STPG2: variants seen among roughly 807,000 people sequenced by gnomAD.
STPG2 encodes sperm tail PG-rich repeat containing 2, also known as sperm-tail PG-rich repeat-containing protein 2.
STPG2 carries 56 observed loss-of-function variants against 54.2 expected under a neutral mutation model. The observed-to-expected ratio is 1.03, with a 90% CI of 0.83 to 1.29. The LOEUF is 1.29. Ranked by LOEUF, STPG2 falls within the 50% of genes most tolerant of loss-of-function variation. The pLI is 0.00. For synonymous variants in STPG2, 200 were observed against 181.8 expected (o/e 1.10, Z -0.81); for missense variants, 596 against 544.9 (o/e 1.09, Z -0.93).
intron 7 of STPG2, among the ~76,000 whole-genome samples, chr4:97,949,916 A>G (rs1276414821): frequency 6.6e-6 from 1 of 152,072 alleles, no homozygotes; most frequent in Non-Finnish European, 1.5e-5. Context: ...TGAATCTCAC[A>G]TGAGTTCTTT....
chr4:97,949,407 C>A (rs906652697), intron 7 of STPG2, among the ~76,000 whole-genome samples: 2 of 152,064 alleles, frequency 1.3e-5, no homozygotes, highest in African/African-American at 4.8e-5. Context: ...GACCATTACG[C>A]CATTTACGTT....
intron 4 of STPG2, among the ~76,000 whole-genome samples, chr4:97,543,294 A>G (rs1272145636): frequency 6.6e-6 from 1 of 151,812 alleles, no homozygotes; most frequent in Non-Finnish European, 1.5e-5. Flanking sequence ...AATTTTTCTG[A>G]CTTATTATTA....
chr4:97,941,244 T>A (rs1272096310), intron 8 of STPG2, among the ~76,000 whole-genome samples: 2 of 152,078 alleles, frequency 1.3e-5, no homozygotes, highest in African/African-American at 2.4e-5. Flanking sequence ...TTCAAGGATA[T>A]TTGCTTTAGT....
At chr4:97,919,128 A>T (rs1466672714) in intron 8 of STPG2, among the ~76,000 whole-genome samples, 1 of 152,150 alleles carries the variant, frequency 6.6e-6, no homozygotes, top group African/African-American at 2.4e-5. Flanking sequence ...AACAAACATG[A>T]ATTAAAAAAC....
chr4:98,058,057 C>T (rs1441601858), intron 5 of STPG2, among the ~76,000 whole-genome samples: 3 of 152,138 alleles, frequency 2.0e-5, no homozygotes, highest in African/African-American at 7.2e-5. Context: ...AAAGGAGCTC[C>T]TCTGGTATTA....
chr4:97,930,577 G>A (rs896790976), intron 8 of STPG2, among the ~76,000 whole-genome samples: 6 of 152,240 alleles, frequency 3.9e-5, no homozygotes, highest in Middle Eastern at 3.4e-3. Context: ...TTTGGTTACT[G>A]CAACCTGGTA....
chr4:97,799,508 GC>G (rs1310687958), intron 9 of STPG2, among the ~76,000 whole-genome samples: 1 of 152,100 alleles, frequency 6.6e-6, no homozygotes, highest in African/African-American at 2.4e-5. Context: ...TTGAATATTG[GC>G]CCCCACTCTC....
At chr4:97,886,889 T>C (rs964866456) in intron 8 of STPG2, among the ~76,000 whole-genome samples, 3 of 152,200 alleles carry the variant, frequency 2.0e-5, no homozygotes, top group Non-Finnish European at 4.4e-5. Context: ...TAGTAAGTTA[T>C]AATGAGATAA....
At chr4:97,921,192 A>G (rs1316860716) in intron 8 of STPG2, among the ~76,000 whole-genome samples, 1 of 152,080 alleles carries the variant, frequency 6.6e-6, no homozygotes, top group Non-Finnish European at 1.5e-5. Context: ...GTGATCACCT[A>G]ACTTTGCCAT....
intron 9 of STPG2, among the ~76,000 whole-genome samples, chr4:97,782,993 G>A (rs1009003593): frequency 6.6e-6 from 1 of 152,080 alleles, no homozygotes; most frequent in African/African-American, 2.4e-5. Context: ...GAAAACCTAG[G>A]CAATACCATT....
chr4:97,910,053 T>C (rs1315005071), intron 8 of STPG2, among the ~76,000 whole-genome samples: 1 of 152,206 alleles, frequency 6.6e-6, no homozygotes, highest in Non-Finnish European at 1.5e-5. Flanking sequence ...CTTGTGACTA[T>C]ACCCTCTCTG....
intron 9 of STPG2, among the ~76,000 whole-genome samples, chr4:97,767,924 T>G (rs1202160684): frequency 6.6e-6 from 1 of 152,048 alleles, no homozygotes; most frequent in African/African-American, 2.4e-5. Context: ...TCCCAGCACT[T>G]TGGGAGGCCA....
At chr4:97,841,213 A>G (rs936022080) in intron 8 of STPG2, among the ~76,000 whole-genome samples, 2 of 151,762 alleles carry the variant, frequency 1.3e-5, no homozygotes, top group African/African-American at 4.8e-5. Flanking sequence ...AATATATTCA[A>G]TTTAATCCTG....
At chr4:98,120,012 G>T (rs887532941) in intron 3 of STPG2, among the ~76,000 whole-genome samples, 4 of 151,986 alleles carry the variant, frequency 2.6e-5, no homozygotes, top group African/African-American at 9.7e-5. Context: ...GATGGCAGTT[G>T]GGTTGATTCC....
At chr4:97,825,268 G>C (rs936738861) in intron 9 of STPG2, among the ~76,000 whole-genome samples, 3 of 152,106 alleles carry the variant, frequency 2.0e-5, no homozygotes, top group African/African-American at 7.2e-5. Flanking sequence ...TTAACTTTTG[G>C]GGGTGTCAGA....
intron 10 of STPG2, among the ~76,000 whole-genome samples, chr4:97,585,124 A>AAC (rs1491464131): frequency 3.6e-5 from 4 of 110,282 alleles, no homozygotes; most frequent in Non-Finnish European, 6.5e-5. Context: ...AAAAAAAAAA[A>AAC]CAAAACTACA....
intron 5 of STPG2, among the ~76,000 whole-genome samples, chr4:98,046,115 CA>C (rs1737120966): frequency 1.7e-5 from 1 of 59,474 alleles, no homozygotes. Context: ...ATTCACTGAT[CA>C]TTTCTTCTGT....
intron 9 of STPG2, among the ~76,000 whole-genome samples, chr4:97,737,158 T>A (rs1725032444): frequency 1.3e-5 from 2 of 152,102 alleles, no homozygotes; most frequent in Admixed American, 1.3e-4. Flanking sequence ...GTCCTGTCTG[T>A]TAGAAGGAAA....
rs116827220 is a variant in STPG2 at position 97,933,715 on chromosome 4, G to C, written c.1044+10182C>G. 2.5e-3 allele frequency among the ~76,000 whole-genome samples: 387 copies of C among 152,248 alleles called. 3 individuals carry two copies. The highest frequency in any genetic ancestry group is 8.7e-3 in the African/African-American group (363 of 41,546). On this transcript the variant is annotated intron_variant, in intron 8 of 10. Transcript: ENST00000295268. ...TCTGAGATCTCTATTCTGTTCCGTT[G>C]ATCTATGTGTCTCCTTTAGTCCCAG...
Sources: gnomAD v4.1 joint callset for allele counts (sites outside exome capture counted in the v4.1 genomes callset) on GRCh38, gnomAD v4.1.1 for gene constraint, MANE v1.5 for transcripts, NCBI Gene and HGNC (gene_info 2026-07-23, HGNC 2026-07-21) for gene names.